The following PLCE1 variants were observed in gnomAD, a reference collection of about 807,000 sequenced individuals.
PLCE1 encodes phospholipase C epsilon 1.
In PLCE1, 119 loss-of-function variants were observed where a neutral mutation model predicts 242.8. The ratio of observed to expected loss-of-function variants is 0.49; its 90% CI spans 0.42 to 0.57. The LOEUF (loss-of-function observed/expected upper bound fraction) is 0.57, where lower values mean the gene tolerates loss of function less well. PLCE1 is among the 20% of genes least tolerant of loss of function. The probability of loss-of-function intolerance (pLI) is 0.00; values close to 1 mark genes in which losing one functional copy is unlikely to be tolerated. For missense variants in PLCE1, 2,441 were observed against 2,788.8 expected, an observed-to-expected ratio of 0.88 and a Z score of 2.81; for synonymous variants, 945 against 1,017.4, an observed-to-expected ratio of 0.93 and a Z score of 1.35.
In PLCE1 at chr10:94,329,811, A is replaced by AAAAAAAAAC. The variant is rs2054138162; in HGVS notation, c.*1868_*1869insAAAAAAAAC. 1 of 139,930 alleles carries AAAAAAAAAC rather than the reference A, an allele frequency of 7.1e-6. No individual in the cohort carries two copies. The highest frequency in any genetic ancestry group is 7.3e-5 in the Admixed American group (1 of 13,696). 8.7% of individuals were successfully genotyped at this position (139,930 alleles called of 1,614,324 possible). On this transcript the variant is annotated 3_prime_UTR_variant, in exon 33 of 33. Coordinates refer to ENST00000371380, the MANE Select transcript of PLCE1 (RefSeq NM_016341.4). ...AAAAAAAAAAAAAAAAAAAAAAAAAACACCATACAGCTTTCATGTCATTGA... is the reference window on the plus strand; with the variant it reads ...AAAAAAAAAAAAAAAAAAAAAAAAAAAAAAAAAACCACCATACAGCTTTCATGTCATTGA...
intron 2 of PLCE1, among the ~76,000 whole-genome samples, chr10:94,102,293 T>A (rs923757349): frequency 7.2e-5 from 11 of 152,284 alleles, no homozygotes; most frequent in African/African-American, 2.6e-4. Flanking sequence ...ATTGCAGAGA[T>A]GAGGAACCAC....
chr10:94,198,304 CTG>C (rs1176558733), intron 4 of PLCE1, among the ~76,000 whole-genome samples: 2 of 152,148 alleles, frequency 1.3e-5, no homozygotes, highest in Non-Finnish European at 2.9e-5. Context: ...CAACAGAAGT[CTG>C]GACTGGAAGG....
At chr10:94,055,879 C>G (rs563280823) in intron 2 of PLCE1, among the ~76,000 whole-genome samples, 1 of 152,096 alleles carries the variant, frequency 6.6e-6, no homozygotes, top group Non-Finnish European at 1.5e-5. Flanking sequence ...TTCAGAGAGA[C>G]CTTGCTGTCA....
Position 94,322,029 on chromosome 10 carries a change from C to T in PLCE1, c.6471C>T (p.Arg2157=), listed in dbSNP as rs776074916. The part of the protein sequence containing the change: ...EQPRTVIKAP[R]VSTAQDVIQQ... ...CTCGAACAGTCATCAAAGCACCCCG[C>T]GTCAGCACTGCACAGGATGTCATTC... The change falls in exon 30 of 33, where the codon CGC becomes CGT. Residue 2157 remains arginine (R), a synonymous_variant. Coordinates refer to ENST00000371380, the MANE Select transcript of PLCE1 (RefSeq NM_016341.4). The T allele has an allele frequency of 5.3e-5, 86 of 1,614,002 alleles. No homozygotes were observed. The Middle Eastern group carries it at 1.8e-3, about 34-fold the overall frequency.
At chr10:94,142,617 T>C (rs1316718429) in intron 3 of PLCE1, among the ~76,000 whole-genome samples, 1 of 152,240 alleles carries the variant, frequency 6.6e-6, no homozygotes, top group Non-Finnish European at 1.5e-5. Flanking sequence ...ATGGTCATGC[T>C]GGGGCTGATG....
At chr10:94,270,362 A>T (rs2051681759) in intron 17 of PLCE1, 124 bp from the exon 18 acceptor site, 3 of 772,832 alleles carry the variant, frequency 3.9e-6, no homozygotes, top group Non-Finnish European at 7.0e-6. Context: ...AAAATACGAA[A>T]ACCATCTTTG....
intron 2 of PLCE1, among the ~76,000 whole-genome samples, chr10:94,067,361 C>A (rs2044228090): frequency 6.6e-6 from 1 of 152,156 alleles, no homozygotes; most frequent in Non-Finnish European, 1.5e-5. Flanking sequence ...CAGAAAGCAC[C>A]ATTAAAAGCT....
chr10:94,050,559 G>T (rs1196623175), intron 2 of PLCE1, among the ~76,000 whole-genome samples: 1 of 151,972 alleles, frequency 6.6e-6, no homozygotes, highest in African/African-American at 2.4e-5. Flanking sequence ...CAAAACCTAG[G>T]TAAGTACATC....
At chr10:94,156,408 T>TCC (rs2047435038) in intron 3 of PLCE1, among the ~76,000 whole-genome samples, 1 of 152,180 alleles carries the variant, frequency 6.6e-6, no homozygotes, top group Non-Finnish European at 1.5e-5. Flanking sequence ...TGAGGTTCGA[T>TCC]CATTTGCACT....
rs1185378074 is a variant in PLCE1, at chr10:94,298,451, C to T, written c.5240C>T (p.Ala1747Val). The T allele has an allele frequency of 1.2e-6, 2 of 1,613,954 alleles. No individual in the cohort carries two copies. Among genetic ancestry groups the T allele is most frequent in the Non-Finnish European group, 1.7e-6 (2 of 1,179,806 alleles). ...CTCAACCCAACCACGTCCCTCAGTG[C>T]TATCATTAGAACTCCCAAATGTTAT... The part of the protein sequence containing the change: ...SPLNPTTSLS[A>V]IIRTPKCYHI... The change falls in exon 24 of 33, where the codon GCT becomes GTT. Residue 1747 changes from alanine (A) to valine (V), a missense_variant. Ala to Val is a moderately conservative substitution (Grantham distance 64). Around this residue, in one of 5 missense-constraint regions of PLCE1, gnomAD observed 1,004 missense variants for 1,322.7 expected, o/e 0.76. Coordinates refer to ENST00000371380, the MANE Select transcript of PLCE1 (RefSeq NM_016341.4). This position sits in a 1 kb window ranked among gnomAD's most constrained non-coding sequence, Gnocchi z 5.2.
At chr10:94,231,259 C>G (rs540292925) in intron 5 of PLCE1, among the ~76,000 whole-genome samples, 5 of 152,274 alleles carry the variant, frequency 3.3e-5, no homozygotes, top group African/African-American at 1.2e-4. Context: ...CTTCATTACT[C>G]ACACAATAAG....
At chr10:94,106,419 C>T (rs1228652000) in intron 2 of PLCE1, among the ~76,000 whole-genome samples, 1 of 152,168 alleles carries the variant, frequency 6.6e-6, no homozygotes, top group Non-Finnish European at 1.5e-5. Context: ...TGGATACACA[C>T]CATAATTTAT....
At chr10:94,168,241 T>A (rs1296862677) in intron 3 of PLCE1, among the ~76,000 whole-genome samples, 1 of 152,076 alleles carries the variant, frequency 6.6e-6, no homozygotes, top group Non-Finnish European at 1.5e-5. Flanking sequence ...ATGTGTCCTA[T>A]GAAGAGGAAA....
At chr10:94,016,509 A>G (rs1295939023) in intron 1 of PLCE1, among the ~76,000 whole-genome samples, 1 of 152,216 alleles carries the variant, frequency 6.6e-6, no homozygotes, top group Admixed American at 6.5e-5. Flanking sequence ...GACCAGTCAC[A>G]TGATATCAGG....
At chr10:94,054,666 A>G (rs1189643751) in intron 2 of PLCE1, among the ~76,000 whole-genome samples, 1 of 152,208 alleles carries the variant, frequency 6.6e-6, no homozygotes, top group Admixed American at 6.5e-5. Context: ...CTTTACATCT[A>G]TTGGGGTGGA....
chr10:94,280,888 A>G (rs1387368444), intron 20 of PLCE1, among the ~76,000 whole-genome samples: 3 of 152,290 alleles, frequency 2.0e-5, no homozygotes, highest in East Asian at 1.9e-4. Flanking sequence ...CACTGGTTAT[A>G]CTGCAAATAT....
chr10:94,246,278 G>A lies in PLCE1; in HGVS notation c.2753G>A (p.Gly918Glu). The A allele has an allele frequency of 6.2e-7, 1 of 1,614,222 alleles. No homozygotes were observed. The highest frequency in any genetic ancestry group is 8.5e-7 in the Non-Finnish European group (1 of 1,180,024). Residue 918 changes from glycine (G) to glutamate (E), a missense_variant, in exon 8 of 33, where the codon GGA (glycine) becomes GAA (glutamate). By Grantham distance (98) the Gly-to-Glu change is moderately conservative. This residue lies in a region of PLCE1 where 733 missense variants were observed against 754.2 expected (regional missense o/e 0.97). Coordinates refer to ENST00000371380, the MANE Select transcript of PLCE1 (RefSeq NM_016341.4). ...LGVLNNTAEPGKFPLLGNAGL... is the reference protein window; with the variant it reads ...LGVLNNTAEPEKFPLLGNAGL... ...GTACTTAATAACACAGCTGAGCCTG[G>A]AAAATTCCCACTACTGGGTAATGCT...
intron 1 of PLCE1, among the ~76,000 whole-genome samples, chr10:94,002,771 T>C (rs1266114589): frequency 6.6e-6 from 1 of 152,206 alleles, no homozygotes; most frequent in East Asian, 1.9e-4. Flanking sequence ...GCTACCTAGC[T>C]GGGGAGCAGT....
At chr10:94,248,098 A>G (rs1466358027) in intron 8 of PLCE1, among the ~76,000 whole-genome samples, 1 of 152,258 alleles carries the variant, frequency 6.6e-6, no homozygotes, top group Non-Finnish European at 1.5e-5. Context: ...TCTGACAATT[A>G]AAAACATTTC....
Sources: gnomAD v4.1 joint callset for allele counts (sites outside exome capture counted in the v4.1 genomes callset) on GRCh38, gnomAD v4.1.1 for gene constraint, gnomAD v4.1.1 regional missense constraint, Gnocchi (gnomAD v3.1) non-coding constraint, MANE v1.5 for transcripts, NCBI Gene and HGNC (gene_info 2026-07-23, HGNC 2026-07-21) for gene names.